The following USP12 variants were observed in gnomAD, a reference collection of about 807,000 sequenced individuals.
USP12 encodes the protein ubiquitin specific peptidase 12.
A neutral mutation model predicts 45.5 loss-of-function variants in USP12; 19 were observed. The ratio of observed to expected loss-of-function variants is 0.42; its 90% CI spans 0.29 to 0.61. The LOEUF (loss-of-function observed/expected upper bound fraction) is 0.61. Ranked by LOEUF, USP12 falls within the 20% of genes least tolerant of loss-of-function variation. The pLI, the probability that USP12 is intolerant of heterozygous loss-of-function variation, is 0.22. For synonymous variants in USP12, 149 were observed against 148.8 expected (o/e 1.00, Z -0.01); for missense variants, 242 against 447.7 (o/e 0.54, Z 4.15).
chr13:27,146,089 C>T (rs74727160), intron 1 of USP12, among the ~76,000 whole-genome samples: 6,388 of 152,184 alleles, frequency 0.042, 164 homozygotes, highest in Admixed American at 0.076. Flanking sequence ...TATAATCAAT[C>T]AAACAGTAAA....
intron 2 of USP12, among the ~76,000 whole-genome samples, chr13:27,111,612 T>C (rs1875449585): frequency 2.0e-5 from 3 of 152,146 alleles, no homozygotes. Flanking sequence ...TTAACAAACA[T>C]CCCACCGCAA....
chr13:27,169,923 A>G (rs1194850447), intron 1 of USP12, among the ~76,000 whole-genome samples: 1 of 152,218 alleles, frequency 6.6e-6, no homozygotes, highest in Non-Finnish European at 1.5e-5. Flanking sequence ...GGTAAAGAGT[A>G]TCACACCACT....
Position 27,142,521 on chromosome 13 carries a change from A to G in USP12, c.49-25925T>C, listed in dbSNP as rs555847818. 1.6e-3 allele frequency among the ~76,000 whole-genome samples: 246 copies of G among 152,330 alleles called. 6 individuals are homozygous for G. The South Asian group carries it at 0.049, about 30-fold the overall frequency. On this transcript the variant is annotated intron_variant, in intron 1 of 8. Transcript: ENST00000282344. ...CCTGTTACTGGGAAATGTGCACTTA[A>G]GTTTTTACGAATGTACACACAAATA... is the stretch of plus-strand genomic sequence containing the variant.
rs1269388127 is a variant in USP12, at chr13:27,127,107, A to G, written c.49-10511T>C. Among the ~76,000 whole-genome samples the G allele has an allele frequency of 3.9e-5, 6 of 152,220 alleles. No homozygotes were observed. In the East Asian group the frequency reaches 1.2e-3, roughly 29 times the overall value. ...ACTTCCTCCTCTAGTGGCCTCCTCT[A>G]TGTTAAAACAAAAAACAAGCTTTTG... On this transcript the variant is annotated intron_variant, in intron 1 of 8. Transcript: ENST00000282344.
chr13:27,074,027 G>A (rs1213369251), intron 7 of USP12, among the ~76,000 whole-genome samples: 1 of 152,114 alleles, frequency 6.6e-6, no homozygotes, highest in African/African-American at 2.4e-5. Context: ...GATAAAAGAC[G>A]GGACCCAAGG....
chr13:27,122,649 C>T (rs1876049098), intron 1 of USP12, among the ~76,000 whole-genome samples: 1 of 148,752 alleles, frequency 6.7e-6, no homozygotes, highest in Non-Finnish European at 1.5e-5. Flanking sequence ...GAGACCCCAT[C>T]TCAAAATAAA....
chr13:27,162,652 T>C (rs1425462998), intron 1 of USP12, among the ~76,000 whole-genome samples: 1 of 152,238 alleles, frequency 6.6e-6, no homozygotes, highest in South Asian at 2.1e-4. Flanking sequence ...ATCGTGTTAC[T>C]GTTAAAGAGA....
chr13:27,162,397 AGAT>A (rs1878150545), intron 1 of USP12, among the ~76,000 whole-genome samples: 1 of 152,228 alleles, frequency 6.6e-6, no homozygotes, highest in East Asian at 1.9e-4. Flanking sequence ...ATTGCCCTGT[AGAT>A]GTCATAACGA....
chr13:27,166,684 A>G (rs191949015), intron 1 of USP12, among the ~76,000 whole-genome samples: 44 of 152,336 alleles, frequency 2.9e-4, no homozygotes, highest in African/African-American at 1.1e-3. Context: ...TGGTATTTAA[A>G]ACTAGAGTTT....
intron 1 of USP12, among the ~76,000 whole-genome samples, chr13:27,146,620 A>G (rs1267009261): frequency 6.6e-6 from 1 of 152,194 alleles, no homozygotes; most frequent in Non-Finnish European, 1.5e-5. Flanking sequence ...AGAGTCAGTT[A>G]AAAAGATACC....
At chr13:27,139,425 G>C (rs1010107014) in intron 1 of USP12, among the ~76,000 whole-genome samples, 1 of 152,178 alleles carries the variant, frequency 6.6e-6, no homozygotes, top group Non-Finnish European at 1.5e-5. Context: ...AGACCAGCCT[G>C]GGCAACATGG....
chr13:27,101,198 T>C (rs1371075106), intron 3 of USP12, among the ~76,000 whole-genome samples: 3 of 152,218 alleles, frequency 2.0e-5, no homozygotes, highest in African/African-American at 7.2e-5. Context: ...CCATTTTCCT[T>C]AGAGTATACT....
Position 27,071,245 on chromosome 13 carries a change from A to G in USP12, c.933-96T>C. 24 of 1,063,592 alleles carry G rather than the reference A, an allele frequency of 2.3e-5. No homozygotes were observed. The South Asian group carries it at 4.1e-4, about 18-fold the overall frequency. The allele number at this position is 1,063,592 out of a possible 1,614,324, so 65.9% of individuals were successfully genotyped here. A position where few individuals can be genotyped will look rare whatever the true frequency, so the allele number is the denominator to read the frequency against. Reference sequence around the variant, plus strand: ...TTTATAAAGAAACAGAAACAGATAAATAGCAGTAAAAAAGAACTGCTTCTT... The same window carrying G: ...TTTATAAAGAAACAGAAACAGATAAGTAGCAGTAAAAAAGAACTGCTTCTT... On this transcript the variant is annotated intron_variant, in intron 7 of 8. Transcript: ENST00000282344.
intron 2 of USP12, among the ~76,000 whole-genome samples, chr13:27,114,246 T>C (rs553126318): frequency 6.6e-6 from 1 of 152,268 alleles, no homozygotes; most frequent in Admixed American, 6.5e-5. Context: ...ATGCACAGAC[T>C]ATATTACAAG....
chr13:27,167,708 AACT>A (rs1253999043), intron 1 of USP12, among the ~76,000 whole-genome samples: 3 of 151,928 alleles, frequency 2.0e-5, no homozygotes, highest in Non-Finnish European at 2.9e-5. Flanking sequence ...TTAATAAAAG[AACT>A]ACATCCACCC....
chr13:27,117,060 C>A (rs1445474784), intron 1 of USP12, among the ~76,000 whole-genome samples: 1 of 152,090 alleles, frequency 6.6e-6, no homozygotes, highest in Non-Finnish European at 1.5e-5. Context: ...GTAAAAAAAA[C>A]TATCTGTGAT....
At chr13:27,150,837 G>T (rs985903534) in intron 1 of USP12, among the ~76,000 whole-genome samples, 1 of 152,124 alleles carries the variant, frequency 6.6e-6, no homozygotes, top group Non-Finnish European at 1.5e-5. Flanking sequence ...CTGGCGCTGG[G>T]ACAAATGGAT....
intron 7 of USP12, 66 bp downstream of exon 7, chr13:27,075,125 A>G: frequency 6.7e-7 from 1 of 1,481,746 alleles, no homozygotes; most frequent in South Asian, 1.2e-5. Flanking sequence ...ATTCATGAAC[A>G]TCTTGAATGT....
intron 1 of USP12, among the ~76,000 whole-genome samples, chr13:27,125,370 A>C: frequency 6.6e-6 from 1 of 152,214 alleles, no homozygotes; most frequent in East Asian, 1.9e-4. Flanking sequence ...GAGATAAGAG[A>C]ATAAGTGTCA....
Sources: allele counts gnomAD v4.1 joint callset (sites outside exome capture counted in the v4.1 genomes callset), GRCh38; gene constraint gnomAD v4.1.1; transcripts MANE v1.5; gene names NCBI Gene and HGNC (gene_info 2026-07-23, HGNC 2026-07-21).